GRIA4: variants seen among roughly 807,000 people sequenced by gnomAD.
GRIA4 encodes glutamate ionotropic receptor AMPA type subunit 4.
A neutral mutation model predicts 104.0 loss-of-function variants in GRIA4; 34 were observed. That is an observed-to-expected ratio of 0.33 (90% CI 0.25 to 0.44). The LOEUF (loss-of-function observed/expected upper bound fraction) is 0.44, where lower values mean the gene tolerates loss of function less well. Among genes scored for constraint, GRIA4 ranks in the 20% least tolerant of loss-of-function variants. GRIA4 has a pLI of 1.00. For synonymous variants in GRIA4, 386 were observed against 381.9 expected (o/e 1.01, Z -0.13); for missense variants, 750 against 1,096.5 (o/e 0.68, Z 4.46).
intron 3 of GRIA4, among the ~76,000 whole-genome samples, chr11:105,719,223 C>T (rs1024959915): frequency 1.3e-5 from 2 of 152,062 alleles, no homozygotes; most frequent in African/African-American, 4.8e-5. Flanking sequence ...ACAGGGACAA[C>T]TCAATAGGGT....
chr11:105,941,500 C>T (rs1948179436), intron 14 of GRIA4, among the ~76,000 whole-genome samples: 1 of 152,056 alleles, frequency 6.6e-6, no homozygotes, highest in Non-Finnish European at 1.5e-5. Context: ...TACCATCAAC[C>T]ACACAAAGTC....
At chr11:105,612,554 T>C in intron 3 of GRIA4, 120 bp downstream of exon 3, 1 of 730,034 alleles carries the variant, frequency 1.4e-6, no homozygotes, top group South Asian at 2.3e-5. Flanking sequence ...AGTTGCCTGG[T>C]TTCAGGACAA....
chr11:105,612,247 G>A (rs778028122), intron 2 of GRIA4, 29 bp from the exon 3 acceptor site: 2 of 1,609,246 alleles, frequency 1.2e-6, no homozygotes, highest in South Asian at 2.2e-5. Flanking sequence ...AGGAAACAGT[G>A]AATGTGCTTT....
intron 4 of GRIA4, among the ~76,000 whole-genome samples, chr11:105,784,915 T>C (rs1457493794): frequency 6.6e-6 from 1 of 152,158 alleles, no homozygotes; most frequent in African/African-American, 2.4e-5. Flanking sequence ...TCAGTGGATA[T>C]AGGATAAGGC....
chr11:105,908,518 T>A (rs888958676), intron 9 of GRIA4, among the ~76,000 whole-genome samples: 1 of 151,642 alleles, frequency 6.6e-6, no homozygotes, highest in African/African-American at 2.4e-5. Context: ...AATAAGCCCA[T>A]GGTCCACATG....
chr11:105,847,414 A>C (rs1041937113), intron 4 of GRIA4, among the ~76,000 whole-genome samples: 2 of 152,200 alleles, frequency 1.3e-5, no homozygotes, highest in Non-Finnish European at 2.9e-5. Flanking sequence ...TCTGCATTAG[A>C]GCACAAGCTA....
chr11:105,910,949 TAATA>T (rs1208147196), intron 10 of GRIA4, among the ~76,000 whole-genome samples: 1 of 152,200 alleles, frequency 6.6e-6, no homozygotes, highest in Non-Finnish European at 1.5e-5. Flanking sequence ...TAATAATAAT[TAATA>T]GTGTTTAAAA....
chr11:105,700,137 A>G (rs1410958895), intron 3 of GRIA4, among the ~76,000 whole-genome samples: 1 of 152,226 alleles, frequency 6.6e-6, no homozygotes, highest in Non-Finnish European at 1.5e-5. Flanking sequence ...AAGAGTGCAC[A>G]TAGGTGCCAC....
intron 14 of GRIA4, among the ~76,000 whole-genome samples, chr11:105,954,929 T>TATATATATAA (rs1491236831): frequency 1.4e-5 from 2 of 140,740 alleles, no homozygotes; most frequent in East Asian, 2.1e-4. Context: ...TATATATATA[T>TATATATATAA]AATGCCATAT....
intron 3 of GRIA4, 130 bp from the exon 4 acceptor site, chr11:105,752,851 T>G: frequency 1.2e-6 from 1 of 827,880 alleles, no homozygotes; most frequent in South Asian, 1.7e-5. Flanking sequence ...ACTTATACTC[T>G]TTATCTTATA....
At position 105,860,746 on chromosome 11, in the gene GRIA4, G is replaced by T. The variant is rs529326991; in HGVS notation, c.488-1278G>T. On this transcript the variant is annotated intron_variant, in intron 4 of 16. Transcript: ENST00000282499. ...GAGGCTGAGGCAGGTGGATCACAAG[G>T]TCAGGAGTTCAAGACCAGCCTGGCC... Among the ~76,000 whole-genome samples, 3 of 152,004 alleles carry T rather than the reference G, an allele frequency of 2.0e-5. No individual in the cohort carries two copies. The South Asian group carries it at 6.2e-4, about 32-fold the overall frequency.
chr11:105,910,337 G>C lies in GRIA4; in HGVS notation c.1159-98G>C, dbSNP rs2136163496. ...GCTTTTGTTTTGTTTGCTTACATTT[G>C]TTTTGTTTGCTTACCTATTCATACC... On this transcript the variant is annotated intron_variant, in intron 9 of 16. Coordinates refer to ENST00000282499, the MANE Select transcript of GRIA4 (RefSeq NM_000829.4). The C allele has an allele frequency of 5.0e-6, 3 of 599,246 alleles. No homozygotes were observed. In the East Asian group the frequency reaches 8.9e-5, roughly 18 times the overall value. 37.1% of individuals were successfully genotyped at this position (599,246 alleles called of 1,614,324 possible).
chr11:105,825,650 A>G (rs1270748923), intron 4 of GRIA4, among the ~76,000 whole-genome samples: 1 of 152,026 alleles, frequency 6.6e-6, no homozygotes, highest in Non-Finnish European at 1.5e-5. Context: ...AAGATCTCCA[A>G]ACCCCTTAGG....
intron 5 of GRIA4, among the ~76,000 whole-genome samples, chr11:105,872,454 C>G (rs1229433014): frequency 6.6e-6 from 1 of 152,074 alleles, no homozygotes; most frequent in African/African-American, 2.4e-5. Flanking sequence ...TTGACTGGTT[C>G]TTAGAAGTTC....
chr11:105,926,434 G>A (rs1040959277), intron 12 of GRIA4, among the ~76,000 whole-genome samples: 1 of 152,096 alleles, frequency 6.6e-6, no homozygotes, highest in Admixed American at 6.6e-5. Flanking sequence ...GAGTATTAAT[G>A]AATTCAACTA....
chr11:105,769,027 G>A (rs1941084816), intron 4 of GRIA4, among the ~76,000 whole-genome samples: 2 of 152,010 alleles, frequency 1.3e-5, no homozygotes. Context: ...AAAAGCTAGG[G>A]ATCAACATTC....
At chr11:105,651,275 G>A (rs1951679287) in intron 3 of GRIA4, among the ~76,000 whole-genome samples, 6 of 151,960 alleles carry the variant, frequency 3.9e-5, no homozygotes, top group Admixed American at 3.9e-4. Flanking sequence ...CTTTGATTTG[G>A]CTCATGACCT....
chr11:105,667,618 C>T (rs59397309), intron 3 of GRIA4, among the ~76,000 whole-genome samples: 4,035 of 152,024 alleles, frequency 0.027, 103 homozygotes, highest in African/African-American at 0.065. Context: ...CTATAACGCT[C>T]AGAAAAATTT....
chr11:105,883,548 T>C (rs1200555633), intron 5 of GRIA4, among the ~76,000 whole-genome samples: 3 of 152,036 alleles, frequency 2.0e-5, no homozygotes, highest in Admixed American at 2.0e-4. Flanking sequence ...GTCCTTGTGA[T>C]AGTTTGCTGA....
Sources: allele counts gnomAD v4.1 joint callset (sites outside exome capture counted in the v4.1 genomes callset), GRCh38; gene constraint gnomAD v4.1.1; transcripts MANE v1.5; gene names NCBI Gene and HGNC (gene_info 2026-07-23, HGNC 2026-07-21).